Variants in WRAP73 observed in about 807,000 individuals in gnomAD.
WRAP73 encodes WD repeat containing, antisense to TP73, also known as WD repeat-containing protein WRAP73.
WRAP73 carries 55 observed loss-of-function variants against 59.6 expected under a neutral mutation model. The observed-to-expected ratio is 0.92, with a 90% CI of 0.74 to 1.15. The LOEUF is 1.15. Ranked by LOEUF, WRAP73 falls within the 50% of genes most tolerant of loss-of-function variation. WRAP73 has a pLI of 0.00. For synonymous variants in WRAP73, 265 were observed against 258.2 expected (o/e 1.03, Z -0.25); for missense variants, 592 against 608.1 (o/e 0.97, Z 0.28).
intron 3 of WRAP73, among the ~76,000 whole-genome samples, chr1:3,645,327 T>C (rs1035123554): frequency 9.2e-5 from 14 of 151,816 alleles, no homozygotes; most frequent in African/African-American, 3.4e-4. Context: ...ACGGGAGGGC[T>C]GCAGTGTGGT....
Position 3,631,082 on chromosome 1 carries a change from T to G in WRAP73, c.1276A>C (p.Ser426Arg). The change falls in exon 12 of 12, where the codon AGC becomes CGC. Residue 426 changes from serine to arginine, a missense_variant. Transcript: ENST00000270708. ...CTGAGGAGGGCCATCGAGTCTCCGC[T>G]TAAATGCCAGCACAGAGAGAGCACT... ...FAVLSLCWHL[S>R]GDSMALLSKD... 6.2e-7 allele frequency: 1 copy of G among 1,613,352 alleles called. No homozygotes were observed. The highest frequency in any genetic ancestry group is 8.5e-7 in the Non-Finnish European group (1 of 1,180,022).
chr1:3,635,996 A>G lies in WRAP73; in HGVS notation c.551T>C (p.Ile184Thr). ...FDTDTQDLTGIEWAPNGCVLA... is the reference protein window; with the variant it reads ...FDTDTQDLTGTEWAPNGCVLA... ...CACACAGCCGTTTGGGGCCCACTCA[A>G]TCCCTGTGAGATCCTGGGTGTCCGT... The change falls in exon 6 of 12, where the codon ATT becomes ACT. Residue 184 changes from isoleucine (I) to threonine (T), a missense_variant. Coordinates refer to ENST00000270708, the MANE Select transcript of WRAP73 (RefSeq NM_017818.4). 1 of 1,613,972 alleles carries G rather than the reference A, an allele frequency of 6.2e-7. No homozygotes were observed. The highest frequency in any genetic ancestry group is 8.5e-7 in the Non-Finnish European group (1 of 1,180,006).
intron 1 of WRAP73, 79 bp downstream of exon 1, chr1:3,649,852 G>A: frequency 6.7e-7 from 1 of 1,486,184 alleles, no homozygotes; most frequent in Non-Finnish European, 9.0e-7. Flanking sequence ...CTCCACCCAC[G>A]CGGCCGCCCC....
In WRAP73 at chr1:3,646,918, C is replaced by T. The variant is rs564640011; in HGVS notation, c.223-136G>A. 7.5e-5 allele frequency: 50 copies of T among 664,072 alleles called. 1 individual carries two copies. The South Asian group carries it at 9.3e-4, about 12-fold the overall frequency. The allele number at this position is 664,072 out of a possible 1,614,324, so 41.1% of individuals were successfully genotyped here. ...AACTCATCAGCAGTCTATAGCGAGG[C>T]CTCGCCGAGAGACAACTCCCTTAAA... is the stretch of plus-strand genomic sequence containing the variant. On this transcript the variant is annotated intron_variant, in intron 2 of 11. Coordinates refer to ENST00000270708, the MANE Select transcript of WRAP73 (RefSeq NM_017818.4). The surrounding 1 kb of genome is among the most constrained non-coding windows in gnomAD (Gnocchi z 5.1).
chr1:3,636,353 C>T lies in WRAP73; in HGVS notation c.517-323G>A, dbSNP rs1281052553. The T allele has an allele frequency of 3.0e-5, 11 of 365,186 alleles. No individual in the cohort carries two copies. The East Asian group carries it at 4.7e-4, about 16-fold the overall frequency. 22.6% of individuals were successfully genotyped at this position (365,186 alleles called of 1,614,324 possible). A position where few individuals can be genotyped will look rare whatever the true frequency, so the allele number is the denominator to read the frequency against. ...GGCTTGGTCTCCCCGCGCCTGCACT[C>T]GTGTGCACACTCTCCCCCTCACCTT... On this transcript the variant is annotated intron_variant, in intron 5 of 11. Coordinates refer to ENST00000270708, the MANE Select transcript of WRAP73 (RefSeq NM_017818.4).
chr1:3,631,353 G>A (rs569844068), intron 11 of WRAP73, 113 bp downstream of exon 11: 1 of 1,415,274 alleles, frequency 7.1e-7, no homozygotes, highest in Non-Finnish European at 9.6e-7. Context: ...TCTGAGGGCA[G>A]TTTCCCTGGA....
chr1:3,630,775 T>C lies in WRAP73; in HGVS notation c.*200A>G. 1 of 688,302 alleles carries C rather than the reference T, an allele frequency of 1.5e-6. No individual in the cohort carries two copies. Among genetic ancestry groups the C allele is most frequent in the Admixed American group, 3.4e-5 (1 of 29,262 alleles). The allele number at this position is 688,302 out of a possible 1,614,324, so 42.6% of individuals were successfully genotyped here. On this transcript the variant is annotated 3_prime_UTR_variant, in exon 12 of 12. Coordinates refer to ENST00000270708, the MANE Select transcript of WRAP73 (RefSeq NM_017818.4). ...CGTTTCAAGAAGAGAAGTAGTTGTA[T>C]AAATCAGCAAGTATTTATTTTAAAT...
At chr1:3,632,151 C>T in intron 10 of WRAP73, 62 bp downstream of exon 10, 1 of 1,548,360 alleles carries the variant, frequency 6.5e-7, no homozygotes, top group Non-Finnish European at 8.7e-7. Context: ...CCAGTCGCTT[C>T]TACACCTGGG....
Position 3,638,933 on chromosome 1 carries a change from T to G in WRAP73, c.340-111A>C, listed in dbSNP as rs2101962214. The G allele has an allele frequency of 5.0e-6, 6 of 1,198,916 alleles. No individual in the cohort carries two copies. In the South Asian group the frequency reaches 5.1e-5, roughly 10 times the overall value. 74.3% of individuals were successfully genotyped at this position (1,198,916 alleles called of 1,614,324 possible). A position where few individuals can be genotyped will look rare whatever the true frequency, so the allele number is the denominator to read the frequency against. ...CCAAGCACAGGCCTGACTGCTGGAG[T>G]GGATCTATCAGGACCTGGGGGATGC... On this transcript the variant is annotated intron_variant, in intron 3 of 11. Transcript: ENST00000270708.
chr1:3,636,430 CAT>C (rs969874001), intron 5 of WRAP73: 2 of 317,698 alleles, frequency 6.3e-6, no homozygotes, highest in African/African-American at 4.3e-5. Context: ...CACCTGCACT[CAT>C]GTGCACACTC....
rs995393608 is a variant in WRAP73 at position 3,632,429 on chromosome 1, C to T, written c.923-91G>A. ...GCTGCTGTGCCTGCATCGGGCATCG[C>T]GAACCCAGCTCCTCTGTTCAAAGGG... On this transcript the variant is annotated intron_variant, in intron 9 of 11. Coordinates refer to ENST00000270708, the MANE Select transcript of WRAP73 (RefSeq NM_017818.4). The T allele has an allele frequency of 4.6e-5, 74 of 1,595,492 alleles. No homozygotes were observed. In the Admixed American group the frequency reaches 1.0e-3, roughly 22 times the overall value.
Position 3,635,701 on chromosome 1 carries a change from G to A in WRAP73, c.603+243C>T. On this transcript the variant is annotated intron_variant, in intron 6 of 11. Transcript: ENST00000270708. Reference sequence around the variant, plus strand: ...CCGGGCGTGGTGGTGCATGCTTGTGGTCCCAGCTACTTGGGAGGCTGAGGT... The same window carrying A: ...CCGGGCGTGGTGGTGCATGCTTGTGATCCCAGCTACTTGGGAGGCTGAGGT... 9.6e-6 allele frequency: 5 copies of A among 518,924 alleles called. No individual in the cohort carries two copies. The South Asian group carries it at 1.1e-4, about 12-fold the overall frequency. 32.1% of individuals were successfully genotyped at this position (518,924 alleles called of 1,614,324 possible). A position where few individuals can be genotyped will look rare whatever the true frequency, so the allele number is the denominator to read the frequency against.
chr1:3,649,871 C>T (rs1240976093), intron 1 of WRAP73, 60 bp downstream of exon 1: 5 of 1,534,140 alleles, frequency 3.3e-6, no homozygotes, highest in African/African-American at 2.8e-5. Flanking sequence ...CCCGGCCCTG[C>T]CCGCCGGGGA....
rs190196813 is a variant in WRAP73, at chr1:3,636,528, G to A, written c.516+467C>T. ...CCTTCCAGAGCACTGCCTGGATCCC[G>A]GGTTCTGCACTCTGACAGCATTCCA... On this transcript the variant is annotated intron_variant, in intron 5 of 11. Coordinates refer to ENST00000270708, the MANE Select transcript of WRAP73 (RefSeq NM_017818.4). 8.5e-5 allele frequency: 28 copies of A among 329,916 alleles called. No homozygotes were observed. The Middle Eastern group carries it at 4.3e-3, about 51-fold the overall frequency. The allele number at this position is 329,916 out of a possible 1,614,324, so 20.4% of individuals were successfully genotyped here.
intron 2 of WRAP73, 28 bp downstream of exon 2, chr1:3,647,380 A>C: frequency 6.3e-7 from 1 of 1,592,692 alleles, no homozygotes; most frequent in Non-Finnish European, 8.6e-7. Flanking sequence ...GAAGGTGTCC[A>C]GATTCTAAGC....
In WRAP73 at chr1:3,638,812, G is replaced by T; in HGVS notation, c.350C>A (p.Thr117Asn). The T allele has an allele frequency of 6.2e-7, 1 of 1,614,062 alleles. No individual in the cohort carries two copies. Reference sequence around the variant, plus strand: ...GGATTTTGTGCACAAGGACCAGACGGTTATCCGCAGCTGTTGGGGGAAAGG... The same window carrying T: ...GGATTTTGTGCACAAGGACCAGACGTTTATCCGCAGCTGTTGGGGGAAAGG... The part of the protein sequence containing the change: ...LNTTEFHLRI[T>N]VWSLCTKSVS... The change falls in exon 4 of 12, where the codon ACC (threonine) becomes AAC (asparagine). Residue 117 changes from threonine to asparagine, a missense_variant. Physicochemically the swap from Thr to Asn is moderately conservative, Grantham distance 65. Transcript: ENST00000270708.
chr1:3,648,050 C>T (rs1644707545), intron 1 of WRAP73, among the ~76,000 whole-genome samples: 1 of 152,344 alleles, frequency 6.6e-6, no homozygotes, highest in South Asian at 2.1e-4. Context: ...GTGCCGAACT[C>T]AGAGCCAAAA....
rs948339072 is a variant in WRAP73 at position 3,631,642 on chromosome 1, G to A, written c.1064C>T (p.Ala355Val). Residue 355 changes from alanine to valine, a missense_variant, in exon 11 of 12, where the codon GCC becomes GTC. Physicochemically the swap from Ala to Val is moderately conservative, Grantham distance 64 (BLOSUM62 0). Coordinates refer to ENST00000270708, the MANE Select transcript of WRAP73 (RefSeq NM_017818.4). Reference sequence around the variant, plus strand: ...CTTCTGAATGTCCCAGACCCAGACGGCATTGGGAATGTTGTCTGAGGAAGG... The same window carrying A: ...CTTCTGAATGTCCCAGACCCAGACGACATTGGGAATGTTGTCTGAGGAAGG... ...LATRNDNIPN[A>V]VWVWDIQKLR... 4.4e-6 allele frequency: 7 copies of A among 1,595,568 alleles called. No homozygotes were observed. The African/African-American group carries it at 9.4e-5, about 21-fold the overall frequency.
chr1:3,641,873 A>G (rs1644649310), intron 3 of WRAP73, among the ~76,000 whole-genome samples: 1 of 152,240 alleles, frequency 6.6e-6, no homozygotes, highest in Non-Finnish European at 1.5e-5. Context: ...AGAAAAAGAC[A>G]TATCAAGAAA....
Sources: allele counts gnomAD v4.1 joint callset (sites outside exome capture counted in the v4.1 genomes callset), GRCh38; gene constraint gnomAD v4.1.1; non-coding constraint Gnocchi (gnomAD v3.1); transcripts MANE v1.5; gene names NCBI Gene and HGNC (gene_info 2026-07-23, HGNC 2026-07-21).